The following SCHIP1 variants were observed in gnomAD, a reference collection of about 807,000 sequenced individuals.
The protein encoded by SCHIP1 is schwannomin interacting protein 1.
In SCHIP1, 8 loss-of-function variants were observed where a neutral mutation model predicts 29.7. The observed-to-expected ratio is 0.27, with a 90% confidence interval of 0.16 to 0.49. The LOEUF (loss-of-function observed/expected upper bound fraction) is 0.49. SCHIP1 is among the 20% of genes least tolerant of loss of function. The pLI is 0.99. For missense variants in SCHIP1, 193 were observed against 294.6 expected (o/e 0.66, Z 2.52); for synonymous variants, 76 against 94.9 (o/e 0.80, Z 1.16).
chr3:159,289,712 C>T, the SCHIP1 span, among the ~76,000 whole-genome samples: 28 of 152,134 alleles, frequency 1.8e-4, no homozygotes, highest in South Asian at 4.1e-4. Flanking sequence ...TCTGTCAATG[C>T]GCAGGGCCTG....
the SCHIP1 span, among the ~76,000 whole-genome samples, chr3:159,557,509 G>A: frequency 6.6e-6 from 1 of 152,148 alleles, no homozygotes; most frequent in Non-Finnish European, 1.5e-5. Context: ...TACTGGAATA[G>A]CGGGTATTTA....
the SCHIP1 span, among the ~76,000 whole-genome samples, chr3:159,709,865 T>C: frequency 6.6e-6 from 1 of 152,194 alleles, no homozygotes; most frequent in Non-Finnish European, 1.5e-5. Flanking sequence ...GAAGATTTAA[T>C]AGGGGTATTA....
exon 7 of SCHIP1, chr3:159,896,782 C>T (rs746563571): frequency 6.2e-7 from 1 of 1,603,734 alleles, no homozygotes; most frequent in Admixed American, 1.7e-5. Flanking sequence ...TGAAAAGAAG[C>T]CATTCAACCA....
At chr3:159,498,546 G>C in the SCHIP1 span, among the ~76,000 whole-genome samples, 1 of 152,134 alleles carries the variant, frequency 6.6e-6, no homozygotes, top group South Asian at 2.1e-4. Flanking sequence ...TCTGCCTTAA[G>C]GTGGATTCTT....
chr3:159,687,758 A>C, the SCHIP1 span, among the ~76,000 whole-genome samples: 3 of 150,984 alleles, frequency 2.0e-5, no homozygotes, highest in Admixed American at 1.3e-4. Context: ...CTTGCCCCTC[A>C]CTCTCCGACA....
the SCHIP1 span, among the ~76,000 whole-genome samples, chr3:159,506,001 G>T: frequency 6.6e-6 from 1 of 152,244 alleles, no homozygotes; most frequent in Admixed American, 6.5e-5. Flanking sequence ...GGGATGGCTG[G>T]GTCAAATGGT....
At chr3:159,566,821 C>G in the SCHIP1 span, among the ~76,000 whole-genome samples, 1 of 152,180 alleles carries the variant, frequency 6.6e-6, no homozygotes, top group East Asian at 1.9e-4. Context: ...TCCCTAAGTA[C>G]ATGTGCTAGT....
the SCHIP1 span, among the ~76,000 whole-genome samples, chr3:159,715,492 T>A: frequency 2.3e-3 from 350 of 152,218 alleles, 2 homozygotes; most frequent in African/African-American, 8.1e-3. Context: ...GCAAAGAAGC[T>A]AAAAACCTTG....
the SCHIP1 span, among the ~76,000 whole-genome samples, chr3:159,472,449 A>T: frequency 5.9e-5 from 9 of 152,218 alleles, no homozygotes; most frequent in East Asian, 1.7e-3. Flanking sequence ...CACACAGTGC[A>T]ATTGCTGGTA....
the SCHIP1 span, among the ~76,000 whole-genome samples, chr3:159,479,884 T>C: frequency 6.6e-6 from 1 of 152,200 alleles, no homozygotes; most frequent in Admixed American, 6.5e-5. Flanking sequence ...CCTTACATCA[T>C]CTTGTGGAAC....
At chr3:159,288,621 C>T in the SCHIP1 span, among the ~76,000 whole-genome samples, 1 of 152,196 alleles carries the variant, frequency 6.6e-6, no homozygotes, top group Non-Finnish European at 1.5e-5. Context: ...CCTATAATCC[C>T]AGCTACTCAG....
the SCHIP1 span, among the ~76,000 whole-genome samples, chr3:159,347,056 A>G: frequency 6.6e-6 from 1 of 152,102 alleles, no homozygotes; most frequent in Non-Finnish European, 1.5e-5. Flanking sequence ...CACTGGCTTC[A>G]TGACCAGACC....
At chr3:159,835,196 A>G (rs1042356166), upstream of SCHIP1, among the ~76,000 whole-genome samples, 3 of 152,164 alleles carry the variant, frequency 2.0e-5, no homozygotes, top group Non-Finnish European at 4.4e-5. Context: ...TAACATTTCA[A>G]TTTGAACAGA....
At chr3:159,705,957 G>A in the SCHIP1 span, among the ~76,000 whole-genome samples, 9 of 151,994 alleles carry the variant, frequency 5.9e-5, no homozygotes, top group African/African-American at 1.9e-4. Flanking sequence ...CACCCGCCTC[G>A]GCCTCCCAAA....
the SCHIP1 span, among the ~76,000 whole-genome samples, chr3:159,665,048 A>T: frequency 6.4e-4 from 97 of 152,284 alleles, 3 homozygotes; most frequent in South Asian, 6.8e-3. Context: ...TGCACATTAC[A>T]ATCACCGGGG....
At chr3:159,792,240 G>A in the SCHIP1 span, among the ~76,000 whole-genome samples, 1 of 152,184 alleles carries the variant, frequency 6.6e-6, no homozygotes, top group Non-Finnish European at 1.5e-5. Context: ...GCCAGGCTGT[G>A]CCTCAAAGGT....
chr3:159,823,414 A>T, the SCHIP1 span, among the ~76,000 whole-genome samples: 1 of 152,204 alleles, frequency 6.6e-6, no homozygotes, highest in African/African-American at 2.4e-5. Flanking sequence ...AACTTGAAGC[A>T]GTTATGCTTA....
the SCHIP1 span, among the ~76,000 whole-genome samples, chr3:159,648,258 C>T: frequency 6.6e-6 from 1 of 152,124 alleles, no homozygotes; most frequent in African/African-American, 2.4e-5. Flanking sequence ...CACCTCTGCC[C>T]TGATGTCATG....
chr3:159,398,251 G>C, the SCHIP1 span, among the ~76,000 whole-genome samples: 3 of 152,124 alleles, frequency 2.0e-5, no homozygotes, highest in African/African-American at 4.8e-5. Flanking sequence ...GATGAACCCG[G>C]TACCTCAGAT....
Sources: gnomAD v4.1 joint callset for allele counts (sites outside exome capture counted in the v4.1 genomes callset) on GRCh38, gnomAD v4.1.1 for gene constraint, MANE v1.5 for transcripts, NCBI Gene and HGNC (gene_info 2026-07-23, HGNC 2026-07-21) for gene names.